RGPD2: variants seen among roughly 807,000 people sequenced by gnomAD.
RGPD2 encodes the protein RANBP2 like and GRIP domain containing 2.
RGPD2 carries 2 observed loss-of-function variants against 36.0 expected under a neutral mutation model. That is an observed-to-expected ratio of 0.06 (90% confidence interval 0.02 to 0.17). RGPD2 has a LOEUF of 0.17. RGPD2 is among the 10% of genes least tolerant of loss of function. The pLI is 1.00. For missense variants in RGPD2, 40 were observed against 464.3 expected (o/e 0.09, Z 8.40); for synonymous variants, 19 against 163.8 (o/e 0.12, Z 6.75).
the RGPD2 span, among the ~76,000 whole-genome samples, chr2:87,964,531 T>C: frequency 6.6e-6 from 1 of 152,216 alleles, no homozygotes; most frequent in East Asian, 1.9e-4. Flanking sequence ...AACAAATCTT[T>C]CTGCATCATT....
chr2:87,760,977 T>C (rs1359158865), intron 22 of RGPD2, among the ~76,000 whole-genome samples: 42 of 145,642 alleles, frequency 2.9e-4, no homozygotes, highest in Admixed American at 2.7e-3. Context: ...CTTTTGTAAT[T>C]GTCTCACAGT....
At chr2:87,930,902 C>T in the RGPD2 span, among the ~76,000 whole-genome samples, 3 of 141,006 alleles carry the variant, frequency 2.1e-5, no homozygotes, top group South Asian at 2.3e-4. Context: ...TTTGTATTTC[C>T]GTGAGGTCAG....
At chr2:87,952,499 C>T in the RGPD2 span, among the ~76,000 whole-genome samples, 11 of 152,142 alleles carry the variant, frequency 7.2e-5, no homozygotes, top group East Asian at 1.7e-3. Flanking sequence ...AAAATACATA[C>T]GTTATCTAAG....
the RGPD2 span, among the ~76,000 whole-genome samples, chr2:87,988,603 C>A: frequency 6.9e-6 from 1 of 143,932 alleles, no homozygotes; most frequent in Non-Finnish European, 1.5e-5. Flanking sequence ...TGCAGTGGCA[C>A]GATCTTGGCT....
chr2:87,781,736 C>A (rs1685419797), intron 20 of RGPD2, among the ~76,000 whole-genome samples: 1 of 147,136 alleles, frequency 6.8e-6, no homozygotes. Context: ...TGCTGGCATT[C>A]TAGGAGTGAG....
the RGPD2 span, among the ~76,000 whole-genome samples, chr2:87,917,357 T>C: frequency 9.9e-6 from 1 of 100,514 alleles, no homozygotes; most frequent in South Asian, 3.9e-4. Context: ...GGTCTCACTG[T>C]GTTTCCCAGG....
At chr2:87,830,514 A>AC (rs1439921169), upstream of RGPD2, among the ~76,000 whole-genome samples, 4 of 152,090 alleles carry the variant, frequency 2.6e-5, no homozygotes, top group African/African-American at 7.3e-5. Flanking sequence ...TCTGCCTGTT[A>AC]CCCAGTTCCA....
the RGPD2 span, among the ~76,000 whole-genome samples, chr2:87,875,813 G>A: frequency 3.3e-5 from 5 of 152,254 alleles, no homozygotes; most frequent in Admixed American, 3.3e-4. Context: ...TTTACCTCTG[G>A]TAGAATTCAT....
At chr2:87,948,045 T>C in the RGPD2 span, among the ~76,000 whole-genome samples, 3 of 152,206 alleles carry the variant, frequency 2.0e-5, no homozygotes, top group Non-Finnish European at 4.4e-5. Flanking sequence ...ACCACACCAA[T>C]TCTTTGGCGT....
At chr2:87,976,201 G>A in the RGPD2 span, among the ~76,000 whole-genome samples, 31 of 151,212 alleles carry the variant, frequency 2.1e-4, no homozygotes, top group Middle Eastern at 3.4e-3. Context: ...TTTACTCCAC[G>A]GAACATACCA....
At chr2:87,877,883 G>C in the RGPD2 span, among the ~76,000 whole-genome samples, 8 of 148,248 alleles carry the variant, frequency 5.4e-5, no homozygotes, top group African/African-American at 2.0e-4. Flanking sequence ...TAGAGTTTCT[G>C]CTGAGAGGTC....
the RGPD2 span, among the ~76,000 whole-genome samples, chr2:87,866,752 G>A: frequency 6.6e-6 from 1 of 151,772 alleles, no homozygotes; most frequent in Admixed American, 6.6e-5. Context: ...ATGCAGGGTG[G>A]GAGAGAACTG....
At chr2:87,958,145 T>A in the RGPD2 span, among the ~76,000 whole-genome samples, 1 of 152,038 alleles carries the variant, frequency 6.6e-6, no homozygotes, top group African/African-American at 2.4e-5. Context: ...GTATGATGTC[T>A]AATTTAAACT....
chr2:87,883,979 T>C, the RGPD2 span, among the ~76,000 whole-genome samples: 2 of 151,532 alleles, frequency 1.3e-5, no homozygotes, highest in Admixed American at 1.3e-4. Flanking sequence ...TTCCACCCAA[T>C]AGCAACAGGA....
At chr2:87,932,058 TA>T in the RGPD2 span, among the ~76,000 whole-genome samples, 1 of 125,592 alleles carries the variant, frequency 8.0e-6, no homozygotes, top group Admixed American at 8.2e-5. Context: ...AGTGGGGTGT[TA>T]AAATCTCTCA....
chr2:87,922,282 G>A, the RGPD2 span, among the ~76,000 whole-genome samples: 24 of 99,168 alleles, frequency 2.4e-4, no homozygotes, highest in African/African-American at 1.0e-3. Context: ...AACAGAGCTA[G>A]ACTTCGTCTC....
the RGPD2 span, among the ~76,000 whole-genome samples, chr2:87,841,617 A>G: frequency 6.6e-6 from 1 of 151,946 alleles, no homozygotes; most frequent in African/African-American, 2.4e-5. Context: ...TCACAGTCGA[A>G]TTCTACCAGA....
At chr2:87,976,362 TGAAAAG>T in the RGPD2 span, among the ~76,000 whole-genome samples, 1 of 152,132 alleles carries the variant, frequency 6.6e-6, no homozygotes. Flanking sequence ...AAAAAAATCA[TGAAAAG>T]GGGAAGAGCA....
At chr2:87,836,159 C>T in the RGPD2 span, among the ~76,000 whole-genome samples, 1 of 151,414 alleles carries the variant, frequency 6.6e-6, no homozygotes, top group East Asian at 1.9e-4. Context: ...GATGACCATT[C>T]CCAAGACACA....
Sources: allele counts gnomAD v4.1 joint callset (sites outside exome capture counted in the v4.1 genomes callset), GRCh38; gene constraint gnomAD v4.1.1; transcripts MANE v1.5; gene names NCBI Gene and HGNC (gene_info 2026-07-23, HGNC 2026-07-21).